Variants in MDN1 observed in about 807,000 individuals in gnomAD.
MDN1 encodes the protein midasin AAA ATPase 1.
MDN1 carries 266 observed loss-of-function variants against 669.2 expected under a neutral mutation model. The observed-to-expected ratio is 0.40, with a 90% CI of 0.36 to 0.44. The LOEUF (loss-of-function observed/expected upper bound fraction) is 0.44. Among genes scored for constraint, MDN1 ranks in the 20% least tolerant of loss-of-function variants. The pLI, the probability that MDN1 is intolerant of heterozygous loss-of-function variation, is 1.00. For missense variants in MDN1, 5,940 were observed against 6,754.0 expected, an observed-to-expected ratio of 0.88 and a Z score of 4.22; for synonymous variants, 2,385 against 2,457.1, an observed-to-expected ratio of 0.97 and a Z score of 0.87.
rs139520159 is a variant in MDN1 at position 89,762,395 on chromosome 6, C to A, written c.2280G>T (p.Arg760=). The A allele has an allele frequency of 1.5e-5, 24 of 1,614,156 alleles. No homozygotes were observed. The African/African-American group carries it at 2.9e-4, about 20-fold the overall frequency. The change falls in exon 16 of 102, where the codon CGG becomes CGT. Residue 760 remains arginine (R), a synonymous_variant. Transcript: ENST00000369393. Reference sequence around the variant, plus strand: ...GCATTAGTCTCAGGAGATCATGCCACCGTTTCTGTCTGTAACAGGTCTGAA... The same window carrying A: ...GCATTAGTCTCAGGAGATCATGCCAACGTTTCTGTCTGTAACAGGTCTGAA... ...GHIQTCYRQK[R]WHDLLRLMQH...
intron 44 of MDN1, 101 bp downstream of exon 44, chr6:89,716,549 A>G: frequency 7.3e-7 from 1 of 1,361,318 alleles, no homozygotes; most frequent in Admixed American, 2.4e-5. Context: ...AATTAAGAAA[A>G]ACAGTAGCTT....
chr6:89,756,572 T>C (rs1817256734), intron 19 of MDN1, among the ~76,000 whole-genome samples, 182 bp from the exon 20 acceptor site: 1 of 152,196 alleles, frequency 6.6e-6, no homozygotes. Flanking sequence ...ACCAAAAATA[T>C]ACCATTATTG....
intron 100 of MDN1, among the ~76,000 whole-genome samples, chr6:89,645,511 A>T (rs962765112): frequency 6.6e-6 from 1 of 152,236 alleles, no homozygotes; most frequent in Non-Finnish European, 1.5e-5. Context: ...TATAAACTTT[A>T]AAAATGATAG....
intron 51 of MDN1, 107 bp from the exon 52 acceptor site, chr6:89,707,583 C>G (rs1312895226): frequency 1.4e-6 from 1 of 716,312 alleles, no homozygotes; most frequent in African/African-American, 1.8e-5. Context: ...CTTCATCCTG[C>G]CATTCCTCTC....
chr6:89,674,927 C>T (rs964067184), intron 78 of MDN1, among the ~76,000 whole-genome samples: 3 of 152,206 alleles, frequency 2.0e-5, no homozygotes, highest in Non-Finnish European at 2.9e-5. Flanking sequence ...GAAATACTGT[C>T]CTTCAGCCAC....
chr6:89,781,624 C>G lies in MDN1; in HGVS notation c.1450-32G>C, dbSNP rs777463412. The G allele has an allele frequency of 4.0e-6, 6 of 1,513,644 alleles. No homozygotes were observed. In the South Asian group the frequency reaches 6.4e-5, roughly 16 times the overall value. 93.8% of individuals were successfully genotyped at this position (1,513,644 alleles called of 1,614,324 possible). ...GAGGGGGAAAAAAAAGAAAATTTAA[C>G]AGCCAGCATGGTAATTTTTGAAAGC... On this transcript the variant is annotated intron_variant, in intron 9 of 101. Coordinates refer to ENST00000369393, the MANE Select transcript of MDN1 (RefSeq NM_014611.3).
chr6:89,793,629 C>A (rs1161067319), intron 5 of MDN1, 133 bp downstream of exon 5: 5 of 650,548 alleles, frequency 7.7e-6, no homozygotes, highest in Non-Finnish European at 1.2e-5. Flanking sequence ...TTCTTTTTAA[C>A]TTCCAAAAAT....
At chr6:89,799,789 G>A (rs1255584419) in intron 2 of MDN1, among the ~76,000 whole-genome samples, 1 of 152,194 alleles carries the variant, frequency 6.6e-6, no homozygotes, top group Non-Finnish European at 1.5e-5. Context: ...CTTAAATTTT[G>A]TTAAAAACTT....
rs1025790618 is a variant in MDN1 at position 89,745,615 on chromosome 6, G to A, written c.3916C>T (p.Leu1306=). ...TCCTGCTTCCTGACTCGACCTGCCA[G>A]AAGCATATAACCTGGGAGGAGGAGG... ...QHLANDGYML[L]AGRVRKQEEI... The change falls in exon 28 of 102, where the codon CTG becomes TTG. Residue 1306 remains leucine (L), a synonymous_variant. Coordinates refer to ENST00000369393, the MANE Select transcript of MDN1 (RefSeq NM_014611.3). 2 of 1,613,992 alleles carry A rather than the reference G, an allele frequency of 1.2e-6. No homozygotes were observed. Among genetic ancestry groups the A allele is most frequent in the Admixed American group, 1.7e-5 (1 of 59,992 alleles).
At position 89,753,589 on chromosome 6, in the gene MDN1, T is replaced by C. The variant is rs2128319273; in HGVS notation, c.2998A>G (p.Arg1000Gly). The change falls in exon 22 of 102, where the codon AGG becomes GGG. Residue 1000 changes from arginine (R) to glycine (G), a missense_variant. Coordinates refer to ENST00000369393, the MANE Select transcript of MDN1 (RefSeq NM_014611.3). Reference sequence around the variant, plus strand: ...TTCTGAACTATTGGGTGTGATGCCCTGTCAAGCTGTGTTAAGAAACCCAAA... The same window carrying C: ...TTCTGAACTATTGGGTGTGATGCCCCGTCAAGCTGTGTTAAGAAACCCAAA... ...FCLGFLTQLD[R>G]ASHPIVQKLI... 1.2e-6 allele frequency: 2 copies of C among 1,613,850 alleles called. No individual in the cohort carries two copies. Among genetic ancestry groups the C allele is most frequent in the Admixed American group, 1.7e-5 (1 of 60,014 alleles).
intron 15 of MDN1, 73 bp from the exon 16 acceptor site, chr6:89,762,603 A>T (rs1278864948): frequency 9.2e-7 from 1 of 1,092,410 alleles, no homozygotes; most frequent in Non-Finnish European, 1.3e-6. Flanking sequence ...TGGCTCAGAA[A>T]ACAGGAGTAG....
At chr6:89,647,916 G>A in intron 99 of MDN1, 116 bp downstream of exon 99, 2 of 775,534 alleles carry the variant, frequency 2.6e-6, no homozygotes, top group South Asian at 3.4e-5. Flanking sequence ...TGGCGCCATT[G>A]TACTCTAGCC....
rs570415345 is a variant in MDN1, at chr6:89,792,668, AT to A, written c.855+1093del. Among the ~76,000 whole-genome samples the A allele has an allele frequency of 2.9e-4, 41 of 143,186 alleles. No homozygotes were observed. In the South Asian group the frequency reaches 8.5e-3, roughly 30 times the overall value. The allele number at this position is 143,186 out of a possible 152,430, so 93.9% of individuals were successfully genotyped here. ...GTGCATTTTCCTATATGTATATTAC[AT>A]TTTAATTTTTTTTTTTTTTTACTAC... On this transcript the variant is annotated intron_variant, in intron 5 of 101. Transcript: ENST00000369393.
Position 89,713,196 on chromosome 6 carries a change from T to C in MDN1, c.7170A>G (p.Ala2390=). The C allele has an allele frequency of 6.2e-7, 1 of 1,614,190 alleles. No homozygotes were observed. Among genetic ancestry groups the C allele is most frequent in the Non-Finnish European group, 8.5e-7 (1 of 1,180,016 alleles). Residue 2390 remains alanine (A), a synonymous_variant, in exon 47 of 102, where the codon GCA becomes GCG. Coordinates refer to ENST00000369393, the MANE Select transcript of MDN1 (RefSeq NM_014611.3). ...GGGAACAGACATATACTTCCCAGCA[T>C]GCTTCAGAAAAGGCTCTGTCTAAAC... ...GLSLDRAFSE[A]CWEVYVCSQH...
chr6:89,781,279 A>G, intron 10 of MDN1, 120 bp downstream of exon 10: 1 of 865,016 alleles, frequency 1.2e-6, no homozygotes, highest in South Asian at 1.5e-5. Context: ...TGAACCTAGG[A>G]GGCGGAGGTT....
chr6:89,674,709 G>A, intron 78 of MDN1, 120 bp from the exon 79 acceptor site: 1 of 1,346,496 alleles, frequency 7.4e-7, no homozygotes, highest in Non-Finnish European at 9.9e-7. Flanking sequence ...CAGTCAAGAA[G>A]GAAGAATCCC....
At chr6:89,769,123 T>C (rs1817959152) in intron 15 of MDN1, among the ~76,000 whole-genome samples, 1 of 152,014 alleles carries the variant, frequency 6.6e-6, no homozygotes, top group Non-Finnish European at 1.5e-5. Flanking sequence ...ATGCAAAATA[T>C]ATTTAACATA....
At position 89,677,651 on chromosome 6, in the gene MDN1, G is replaced by C. The variant is rs761955537; in HGVS notation, c.12458C>G (p.Pro4153Arg). 1 of 1,614,086 alleles carries C rather than the reference G, an allele frequency of 6.2e-7. No individual in the cohort carries two copies. The highest frequency in any genetic ancestry group is 8.5e-7 in the Non-Finnish European group (1 of 1,180,038). Reference sequence around the variant, plus strand: ...TGGGTGAAGATGAAGCATCTCTTGAGGGTTTTTTGAACGGGCCCAAGCAAG... The same window carrying C: ...TGGGTGAAGATGAAGCATCTCTTGACGGTTTTTTGAACGGGCCCAAGCAAG... ...KGLAWARSKNPQEMLHLHPLD... is the reference protein window; with the variant it reads ...KGLAWARSKNRQEMLHLHPLD... The change falls in exon 76 of 102, where the codon CCT becomes CGT. Residue 4153 changes from proline to arginine, a missense_variant. Coordinates refer to ENST00000369393, the MANE Select transcript of MDN1 (RefSeq NM_014611.3).
chr6:89,781,289 T>G, intron 10 of MDN1, 110 bp downstream of exon 10: 3 of 1,023,236 alleles, frequency 2.9e-6, no homozygotes, highest in South Asian at 2.8e-5. Context: ...AGGCGGAGGT[T>G]GGAGTGAGCC....
Sources: allele counts gnomAD v4.1 joint callset (sites outside exome capture counted in the v4.1 genomes callset), GRCh38; gene constraint gnomAD v4.1.1; transcripts MANE v1.5; gene names NCBI Gene and HGNC (gene_info 2026-07-23, HGNC 2026-07-21).